The following GALNTL6 variants were observed in gnomAD, a reference collection of about 807,000 sequenced individuals.
GALNTL6 encodes the protein polypeptide N-acetylgalactosaminyltransferase-like 6.
Under a neutral mutation model 73.7 loss-of-function variants are expected in GALNTL6, and 46 were observed. The ratio of observed to expected loss-of-function variants is 0.62; its 90% CI spans 0.49 to 0.80. The LOEUF (loss-of-function observed/expected upper bound fraction) is 0.80, where lower values mean the gene tolerates loss of function less well. Ranked by LOEUF, GALNTL6 falls within the 30% of genes least tolerant of loss-of-function variation. The pLI, the probability that GALNTL6 is intolerant of heterozygous loss-of-function variation, is 0.00. For missense variants in GALNTL6, 604 were observed against 755.0 expected (o/e 0.80, Z 2.34); for synonymous variants, 259 against 263.7 (o/e 0.98, Z 0.17).
intron 2 of GALNTL6, among the ~76,000 whole-genome samples, chr4:172,205,097 A>T (rs1736064776): frequency 6.6e-6 from 1 of 152,198 alleles, no homozygotes; most frequent in Non-Finnish European, 1.5e-5. Context: ...GATACACTAC[A>T]TTGGTGCTTT....
chr4:171,974,548 A>G (rs1739663093), intron 2 of GALNTL6, among the ~76,000 whole-genome samples: 1 of 152,202 alleles, frequency 6.6e-6, no homozygotes, highest in Non-Finnish European at 1.5e-5. Context: ...TCAAAGAATG[A>G]TTTTCCACAT....
intron 2 of GALNTL6, among the ~76,000 whole-genome samples, chr4:172,222,825 C>G (rs1579272622): frequency 1.3e-5 from 2 of 151,658 alleles, no homozygotes; most frequent in African/African-American, 4.8e-5. Context: ...AAGTTTATAC[C>G]AATAAGAGAC....
chr4:172,306,229 A>G (rs1053735666), intron 3 of GALNTL6, among the ~76,000 whole-genome samples: 1 of 152,036 alleles, frequency 6.6e-6, no homozygotes, highest in Admixed American at 6.6e-5. Context: ...TCTCTACTAA[A>G]AATACAAAAA....
At chr4:172,885,220 A>G (rs1745657948) in intron 8 of GALNTL6, among the ~76,000 whole-genome samples, 1 of 152,172 alleles carries the variant, frequency 6.6e-6, no homozygotes, top group Non-Finnish European at 1.5e-5. Flanking sequence ...GGTAGTGTAG[A>G]TATTTTAACA....
At chr4:172,398,874 T>C (rs1173148436) in intron 5 of GALNTL6, among the ~76,000 whole-genome samples, 3 of 152,078 alleles carry the variant, frequency 2.0e-5, no homozygotes, top group African/African-American at 7.2e-5. Flanking sequence ...TTTTTTTTCT[T>C]ATGGACAAGC....
At chr4:172,106,026 C>A (rs1426088515) in intron 2 of GALNTL6, among the ~76,000 whole-genome samples, 1 of 152,216 alleles carries the variant, frequency 6.6e-6, no homozygotes, top group Admixed American at 6.5e-5. Context: ...ATTAATATAT[C>A]TTTCAAACTA....
chr4:172,286,063 A>G (rs539394033), intron 3 of GALNTL6, among the ~76,000 whole-genome samples: 1 of 152,218 alleles, frequency 6.6e-6, no homozygotes, highest in African/African-American at 2.4e-5. Flanking sequence ...TCCTAAATCC[A>G]AATTCAATAC....
chr4:172,821,036 A>G (rs1042984731), intron 7 of GALNTL6, among the ~76,000 whole-genome samples: 23 of 152,236 alleles, frequency 1.5e-4, no homozygotes, highest in Admixed American at 7.9e-4. Context: ...CCCCTCAATT[A>G]AACTGGCCAA....
intron 5 of GALNTL6, among the ~76,000 whole-genome samples, chr4:172,414,042 G>A (rs1744536423): frequency 6.6e-6 from 1 of 152,054 alleles, no homozygotes; most frequent in African/African-American, 2.4e-5. Context: ...TTAATTTATA[G>A]GGCATGTTAA....
chr4:171,882,634 A>G (rs1186435186), intron 2 of GALNTL6, among the ~76,000 whole-genome samples: 1 of 152,202 alleles, frequency 6.6e-6, no homozygotes, highest in African/African-American at 2.4e-5. Context: ...AAGAGCTTAG[A>G]GTCTGACGTT....
At chr4:172,936,130 G>A (rs1047582735) in intron 9 of GALNTL6, among the ~76,000 whole-genome samples, 13 of 152,050 alleles carry the variant, frequency 8.5e-5, no homozygotes, top group African/African-American at 2.7e-4. Context: ...CTCAACATAC[G>A]CAAATCAATA....
At chr4:173,025,011 T>C (rs1030253503) in intron 12 of GALNTL6, among the ~76,000 whole-genome samples, 1 of 152,190 alleles carries the variant, frequency 6.6e-6, no homozygotes, top group Admixed American at 6.5e-5. Flanking sequence ...CATGGAGATA[T>C]CTTGGAGAGA....
intron 5 of GALNTL6, among the ~76,000 whole-genome samples, chr4:172,509,470 A>G (rs113382293): frequency 0.031 from 1,713 of 55,000 alleles, 675 homozygotes; most frequent in East Asian, 0.18. Flanking sequence ...TCATCTGTTT[A>G]TCTTTGTTTT....
intron 5 of GALNTL6, among the ~76,000 whole-genome samples, chr4:172,630,460 C>T (rs1002298015): frequency 6.6e-6 from 1 of 152,014 alleles, no homozygotes; most frequent in Admixed American, 6.6e-5. Flanking sequence ...AGGGCAGTAT[C>T]GGCAAGCTGA....
intron 7 of GALNTL6, among the ~76,000 whole-genome samples, chr4:172,873,218 G>A (rs1162936640): frequency 6.6e-6 from 1 of 152,212 alleles, no homozygotes. Context: ...CAGTGTCCCT[G>A]AGGGAGGAAA....
intron 5 of GALNTL6, among the ~76,000 whole-genome samples, chr4:172,370,072 C>T (rs182743335): frequency 6.8e-4 from 104 of 152,250 alleles, no homozygotes; most frequent in African/African-American, 2.3e-3. Context: ...GGAATTTGGC[C>T]GATGACCACT....
rs1213081833 is a variant in GALNTL6, at chr4:172,871,591, G to GT, written c.924-11199_924-11198insT. Reference sequence around the variant, plus strand: ...TAGGATCTATAGTCTCTGACTCTGGGGGGGGTGTGTGTGTGTGAGAGTGTG... The same window carrying GT: ...TAGGATCTATAGTCTCTGACTCTGGGTGGGGGTGTGTGTGTGTGAGAGTGTG... On this transcript the variant is annotated intron_variant, in intron 7 of 12. Transcript: ENST00000506823. Among the ~76,000 whole-genome samples, 297 of 114,592 alleles carry GT rather than the reference G, an allele frequency of 2.6e-3. 6 individuals are homozygous for GT. The highest frequency in any genetic ancestry group is 8.1e-3 in the African/African-American group (287 of 35,436). The allele number at this position is 114,592 out of a possible 152,430, so 75.2% of individuals were successfully genotyped here.
intron 5 of GALNTL6, chr4:172,669,351 T>C (rs912927111): frequency 1.5e-4 from 23 of 152,204 alleles, no homozygotes; most frequent in African/African-American, 5.5e-4. Flanking sequence ...GTTTGAGAAT[T>C]GCCAAAAATA....
intron 2 of GALNTL6, among the ~76,000 whole-genome samples, chr4:171,854,459 T>A (rs1213302599): frequency 1.3e-5 from 2 of 152,216 alleles, no homozygotes; most frequent in Non-Finnish European, 2.9e-5. Context: ...GATAGGTATC[T>A]GCTATTTGCT....
Sources: allele counts gnomAD v4.1 joint callset (sites outside exome capture counted in the v4.1 genomes callset), GRCh38; gene constraint gnomAD v4.1.1; transcripts MANE v1.5; gene names NCBI Gene and HGNC (gene_info 2026-07-23, HGNC 2026-07-21).